The following B4GALNT3 variants were observed in gnomAD, a reference collection of about 807,000 sequenced individuals.
The protein encoded by B4GALNT3 is beta-1,4-N-acetyl-galactosaminyltransferase 3.
In B4GALNT3, 86 loss-of-function variants were observed where a neutral mutation model predicts 120.2. The observed-to-expected ratio is 0.72, with a 90% CI of 0.60 to 0.86. The LOEUF is 0.86. Ranked by LOEUF, B4GALNT3 falls within the 40% of genes least tolerant of loss-of-function variation. B4GALNT3 has a pLI of 0.00. For synonymous variants in B4GALNT3, 518 were observed against 510.4 expected (o/e 1.01, Z -0.20); for missense variants, 1,167 against 1,298.9 (o/e 0.90, Z 1.56).
chr12:487,257 T>C (rs1946298665), intron 1 of B4GALNT3, among the ~76,000 whole-genome samples: 1 of 152,130 alleles, frequency 6.6e-6, no homozygotes, highest in African/African-American at 2.4e-5. Context: ...ACAGAAGCAA[T>C]ATTTGAAACG....
intron 1 of B4GALNT3, among the ~76,000 whole-genome samples, chr12:475,177 T>C (rs1161508325): frequency 6.6e-6 from 1 of 152,136 alleles, no homozygotes; most frequent in African/African-American, 2.4e-5. Flanking sequence ...ACGGTTACAC[T>C]TTCCCCAGAA....
In B4GALNT3 at chr12:561,861, C is replaced by T. The variant is rs937135336; in HGVS notation, c.*410C>T. On this transcript the variant is annotated 3_prime_UTR_variant, in exon 20 of 20. Coordinates refer to ENST00000266383, the MANE Select transcript of B4GALNT3 (RefSeq NM_173593.4). Reference sequence around the variant, plus strand: ...CTAGTGGACATATTTTATTGGGGGGCGGGGATTTTAAAAACAGAAAACCGA... The same window carrying T: ...CTAGTGGACATATTTTATTGGGGGGTGGGGATTTTAAAAACAGAAAACCGA... 5 of 161,322 alleles carry T rather than the reference C, an allele frequency of 3.1e-5. No homozygotes were observed. Among genetic ancestry groups the T allele is most frequent in the Admixed American group, 1.3e-4 (2 of 15,548 alleles). 10.0% of individuals were successfully genotyped at this position (161,322 alleles called of 1,614,324 possible).
Position 460,325 on chromosome 12 carries a change from C to T in B4GALNT3, c.-52C>T, listed in dbSNP as rs1481434585. On this transcript the variant is annotated 5_prime_UTR_variant, in exon 1 of 20. Transcript: ENST00000266383. This position sits in a 1 kb window ranked among gnomAD's most constrained non-coding sequence, Gnocchi z 8.0. ...GGCGCGGGGCCCGGCCGGGGGGCGG[C>T]GGCTCGGGGGGTTGGAGCCCGCGCT... The T allele has an allele frequency of 2.0e-6, 2 of 986,678 alleles. No homozygotes were observed. Among genetic ancestry groups the T allele is most frequent in the Non-Finnish European group, 2.4e-6 (2 of 831,216 alleles). The allele number at this position is 986,678 out of a possible 1,614,324, so 61.1% of individuals were successfully genotyped here. A position where few individuals can be genotyped will look rare whatever the true frequency, so the allele number is the denominator to read the frequency against.
chr12:558,622 A>AT lies in B4GALNT3; in HGVS notation c.2723dup (p.Met908IlefsTer13). On this transcript the variant is annotated frameshift_variant, in exon 18 of 20. Coordinates refer to ENST00000266383, the MANE Select transcript of B4GALNT3 (RefSeq NM_173593.4). LOFTEE classifies it high-confidence loss of function. ...AAAGATGGCCTTTGCCCCCATGGTGATGAGGCTGCATTGTGGGGCCACCCC... is the reference window on the plus strand; with the variant it reads ...AAAGATGGCCTTTGCCCCCATGGTGATTGAGGCTGCATTGTGGGGCCACCCC... 1 of 1,613,998 alleles carries AT rather than the reference A, an allele frequency of 6.2e-7. No homozygotes were observed.
chr12:559,283 G>A lies in B4GALNT3; in HGVS notation c.2762-12G>A. On this transcript the variant is annotated splice_polypyrimidine_tract_variant and intron_variant, in intron 18 of 19. Coordinates refer to ENST00000266383, the MANE Select transcript of B4GALNT3 (RefSeq NM_173593.4). ...CTGGCTCATCTCACCCGAAGCTCCT[G>A]TCTGTCCACAGGCTACTGGGAGGTG... 6.2e-7 allele frequency: 1 copy of A among 1,613,852 alleles called. No homozygotes were observed. Among genetic ancestry groups the A allele is most frequent in the East Asian group, 2.2e-5 (1 of 44,874 alleles).
chr12:470,244 C>T (rs962903205), intron 1 of B4GALNT3, among the ~76,000 whole-genome samples: 11 of 152,240 alleles, frequency 7.2e-5, no homozygotes, highest in Non-Finnish European at 1.5e-4. Flanking sequence ...ATAGTTCTGA[C>T]TGCTTTCGCC....
intron 1 of B4GALNT3, among the ~76,000 whole-genome samples, chr12:465,711 C>G (rs1351165358): frequency 6.6e-6 from 1 of 152,082 alleles, no homozygotes; most frequent in Non-Finnish European, 1.5e-5. Flanking sequence ...CAGGGACCCT[C>G]AAGTTGAGGT....
Position 511,381 on chromosome 12 carries a change from G to A in B4GALNT3, c.170-23785G>A, listed in dbSNP as rs547268346. ...TTCCACCTTCAACCTTCCGCCTTCC[G>A]CCTTCCACCTTCTGTCTTCCACCTT... On this transcript the variant is annotated intron_variant, in intron 1 of 19. Transcript: ENST00000266383. 3.1e-3 allele frequency among the ~76,000 whole-genome samples: 240 copies of A among 77,124 alleles called. 4 individuals are homozygous for A. The highest frequency in any genetic ancestry group is 3.8e-3 in the African/African-American group (74 of 19,456). The allele number at this position is 77,124 out of a possible 152,430, so 50.6% of individuals were successfully genotyped here. A position where few individuals can be genotyped will look rare whatever the true frequency, so the allele number is the denominator to read the frequency against.
chr12:469,942 G>C (rs567877857), intron 1 of B4GALNT3, among the ~76,000 whole-genome samples: 1 of 152,066 alleles, frequency 6.6e-6, no homozygotes, highest in Non-Finnish European at 1.5e-5. Flanking sequence ...ATGAGCCACC[G>C]CGCATGGCCA....
intron 1 of B4GALNT3, among the ~76,000 whole-genome samples, chr12:512,546 CACCTTCG>C (rs1250972697): frequency 2.7e-4 from 34 of 128,198 alleles, no homozygotes; most frequent in African/African-American, 9.2e-4. Flanking sequence ...TTCAACCTTC[CACCTTCG>C]ACCTTCCACC....
At chr12:509,178 AC>A (rs1946523592) in intron 1 of B4GALNT3, among the ~76,000 whole-genome samples, 2 of 152,178 alleles carry the variant, frequency 1.3e-5, no homozygotes, top group Non-Finnish European at 2.9e-5. Flanking sequence ...GCACCTACTA[AC>A]CTACTGCTGT....
chr12:469,648 A>G (rs1946116142), intron 1 of B4GALNT3, among the ~76,000 whole-genome samples: 1 of 152,066 alleles, frequency 6.6e-6, no homozygotes, highest in Non-Finnish European at 1.5e-5. Context: ...TTAGGAGTCA[A>G]GGATTTTGCG....
chr12:548,429 G>A lies in B4GALNT3; in HGVS notation c.853+132G>A. ...ATGCTTGGGACACGGGTATGAAGGG[G>A]TCCAGAACAAGAGTGGGACCTTATG... On this transcript the variant is annotated intron_variant, in intron 9 of 19. Transcript: ENST00000266383. The surrounding 1 kb of genome is among the most constrained non-coding windows in gnomAD (Gnocchi z 4.9). 1.3e-6 allele frequency: 1 copy of A among 798,700 alleles called. No homozygotes were observed. The highest frequency in any genetic ancestry group is 2.1e-6 in the Non-Finnish European group (1 of 483,906). 49.5% of individuals were successfully genotyped at this position (798,700 alleles called of 1,614,324 possible).
At chr12:527,175 C>A (rs977581837) in intron 1 of B4GALNT3, among the ~76,000 whole-genome samples, 1 of 152,150 alleles carries the variant, frequency 6.6e-6, no homozygotes, top group Non-Finnish European at 1.5e-5. Context: ...CAATCCTTCA[C>A]CCTCCACCTG....
intron 14 of B4GALNT3, among the ~76,000 whole-genome samples, chr12:554,696 A>C (rs958033440): frequency 2.2e-4 from 31 of 141,624 alleles, no homozygotes; most frequent in Non-Finnish European, 3.2e-4. Context: ...AGGCTGAGGC[A>C]GGAGAATGGC....
intron 1 of B4GALNT3, among the ~76,000 whole-genome samples, chr12:465,817 G>C (rs1338529454): frequency 6.8e-6 from 1 of 146,666 alleles, no homozygotes; most frequent in African/African-American, 2.5e-5. Context: ...GGGGTTGCCT[G>C]CCACTCCCTG....
intron 1 of B4GALNT3, among the ~76,000 whole-genome samples, chr12:502,860 C>A (rs781102013): frequency 6.6e-6 from 1 of 152,142 alleles, no homozygotes; most frequent in African/African-American, 2.4e-5. Context: ...CTCAAGCAAT[C>A]CTACCACCTC....
intron 1 of B4GALNT3, among the ~76,000 whole-genome samples, chr12:476,646 G>A (rs1448288083): frequency 6.6e-6 from 1 of 152,162 alleles, no homozygotes; most frequent in Non-Finnish European, 1.5e-5. Context: ...CGCCTAGTAT[G>A]TGCCCAGAAT....
intron 1 of B4GALNT3, among the ~76,000 whole-genome samples, chr12:475,626 T>C (rs1354358836): frequency 6.6e-6 from 1 of 152,132 alleles, no homozygotes; most frequent in Non-Finnish European, 1.5e-5. Flanking sequence ...CTTTCAAAAC[T>C]CTGCTTATCC....
Sources: allele counts gnomAD v4.1 joint callset (sites outside exome capture counted in the v4.1 genomes callset), GRCh38; gene constraint gnomAD v4.1.1; non-coding constraint Gnocchi (gnomAD v3.1); transcripts MANE v1.5; gene names NCBI Gene and HGNC (gene_info 2026-07-23, HGNC 2026-07-21).